ZNF791: variants seen among roughly 807,000 people sequenced by gnomAD.
ZNF791 encodes the protein zinc finger protein 791.
Under a neutral mutation model 11.5 loss-of-function variants are expected in ZNF791, and 4 were observed. That is an observed-to-expected ratio of 0.35 (90% confidence interval 0.17 to 0.80). The LOEUF (loss-of-function observed/expected upper bound fraction) is 0.80. ZNF791 is among the 30% of genes least tolerant of loss of function. The pLI is 0.53. For synonymous variants in ZNF791, 212 were observed against 228.1 expected, an observed-to-expected ratio of 0.93 and a Z score of 0.64; for missense variants, 559 against 699.4, an observed-to-expected ratio of 0.80 and a Z score of 2.26.
At chr19:12,614,928 G>C (rs368909708) in intron 1 of ZNF791, among the ~76,000 whole-genome samples, 1 of 7,324 alleles carries the variant, frequency 1.4e-4, no homozygotes, top group Non-Finnish European at 4.7e-4. Context: ...TTTTTTTTTT[G>C]ATACAGCGTC....
rs753917118 is a variant in ZNF791, at chr19:12,629,529, C to T, written c.*269C>T. The stretch of plus-strand genomic sequence containing the variant: ...TAGCAGTAGTAACACCATAGTGCAG[C>T]ACATTATTTAAGTGTTTATGGTGCT... On this transcript the variant is annotated 3_prime_UTR_variant, in exon 4 of 4. Coordinates refer to ENST00000343325, the MANE Select transcript of ZNF791 (RefSeq NM_153358.3). 28 of 260,238 alleles carry T rather than the reference C, an allele frequency of 1.1e-4. No homozygotes were observed. The highest frequency in any genetic ancestry group is 3.0e-4 in the Admixed American group (6 of 20,266). 16.1% of individuals were successfully genotyped at this position (260,238 alleles called of 1,614,324 possible).
intron 1 of ZNF791, among the ~76,000 whole-genome samples, chr19:12,616,423 C>T (rs538029675): frequency 1.4e-4 from 21 of 152,242 alleles, no homozygotes; most frequent in Admixed American, 7.2e-4. Flanking sequence ...TGGATCCTAT[C>T]TCAAAAAAAC....
At chr19:12,617,801 C>A (rs901703396) in intron 1 of ZNF791, among the ~76,000 whole-genome samples, 1 of 125,014 alleles carries the variant, frequency 8.0e-6, no homozygotes, top group African/African-American at 3.1e-5. Flanking sequence ...AGGGTATTAC[C>A]CTGTCACCAG....
At position 12,626,218 on chromosome 19, in the gene ZNF791, T is replaced by C. The variant is rs143598699; in HGVS notation, c.192-1503T>C. Among the ~76,000 whole-genome samples, 642 of 152,336 alleles carry C rather than the reference T, an allele frequency of 4.2e-3. 5 individuals are homozygous for C. Among genetic ancestry groups the C allele is most frequent in the African/African-American group, 0.015 (610 of 41,582 alleles). ...TTTTAGTAGAGATAGGGTTTCACTA[T>C]GTTGGCCAGGATGGTCACGATCTCC... On this transcript the variant is annotated intron_variant, in intron 3 of 3. Coordinates refer to ENST00000343325, the MANE Select transcript of ZNF791 (RefSeq NM_153358.3).
At chr19:12,623,981 G>A (rs550178119) in intron 2 of ZNF791, among the ~76,000 whole-genome samples, 155 bp downstream of exon 2, 7 of 149,128 alleles carry the variant, frequency 4.7e-5, no homozygotes, top group Admixed American at 2.0e-4. Flanking sequence ...TCAGCCTCCC[G>A]AGTAGCTGGG....
rs941941442 is a variant in ZNF791, at chr19:12,612,619, T to A, written c.3+1537T>A. On this transcript the variant is annotated intron_variant, in intron 1 of 3. Coordinates refer to ENST00000343325, the MANE Select transcript of ZNF791 (RefSeq NM_153358.3). ...ACCACGCCCAGCTAATTTTTGTATT[T>A]TTTTTTTTTTTTTTTAGTAGAGAGT... Among the ~76,000 whole-genome samples, 4 of 146,456 alleles carry A rather than the reference T, an allele frequency of 2.7e-5. No homozygotes were observed. The Admixed American group carries it at 2.7e-4, about 10-fold the overall frequency.
chr19:12,624,738 T>A, intron 3 of ZNF791, 28 bp downstream of exon 3: 1 of 1,571,210 alleles, frequency 6.4e-7, no homozygotes. Flanking sequence ...GAAGTAACAG[T>A]GTTCCTTGAA....
chr19:12,614,892 C>CTTTTTTTTTTTTTT lies in ZNF791; in HGVS notation c.3+3832_3+3845dup, dbSNP rs57575424. Among the ~76,000 whole-genome samples, 37 of 17,566 alleles carry CTTTTTTTTTTTTTT rather than the reference C, an allele frequency of 2.1e-3. 15 individuals carry two copies. Among genetic ancestry groups the CTTTTTTTTTTTTTT allele is most frequent in the Non-Finnish European group, 3.8e-3 (29 of 7,720 alleles). 11.5% of individuals were successfully genotyped at this position (17,566 alleles called of 152,430 possible). On this transcript the variant is annotated intron_variant, in intron 1 of 3. Coordinates refer to ENST00000343325, the MANE Select transcript of ZNF791 (RefSeq NM_153358.3). ...ACAGGTGTGAGCCACTGCGTCCGGC[C>CTTTTTTTTTTTTTT]TTTTTTTTTTTTTTTTTTTTTTTTT...
chr19:12,623,545 A>G, intron 1 of ZNF791, 155 bp from the exon 2 acceptor site: 1 of 884,610 alleles, frequency 1.1e-6, no homozygotes, highest in Non-Finnish European at 1.8e-6. Context: ...TGTAGCTATA[A>G]GTTTATGTGT....
chr19:12,624,699 A>G lies in ZNF791; in HGVS notation c.180A>G (p.Gly60=). The part of the protein sequence containing the change: ...PNVEDQHKNQ[G]RNLRSHTGER... Reference sequence around the variant, plus strand: ...TTGAAGATCAACACAAAAACCAAGGACGAAATCTAAGGTGAGTTGCACTCA... The same window carrying G: ...TTGAAGATCAACACAAAAACCAAGGGCGAAATCTAAGGTGAGTTGCACTCA... Residue 60 remains glycine, a synonymous_variant, in exon 3 of 4, where the codon GGA becomes GGG. Transcript: ENST00000343325. The G allele has an allele frequency of 1.2e-6, 2 of 1,607,612 alleles. No individual in the cohort carries two copies. Among genetic ancestry groups the G allele is most frequent in the Non-Finnish European group, 1.7e-6 (2 of 1,176,554 alleles).
chr19:12,628,839 A>G lies in ZNF791; in HGVS notation c.1310A>G (p.Asp437Gly). The change falls in exon 4 of 4, where the codon GAC becomes GGC. Residue 437 changes from aspartate (D) to glycine (G), a missense_variant. Physicochemically the swap from Asp to Gly is moderately conservative, Grantham distance 94. Coordinates refer to ENST00000343325, the MANE Select transcript of ZNF791 (RefSeq NM_153358.3). ...AGACACATGATCACCCACACTGGAGACGGACCTTATAAATGTAGGGACTGT... is the reference window on the plus strand; with the variant it reads ...AGACACATGATCACCCACACTGGAGGCGGACCTTATAAATGTAGGGACTGT... ...FRRHMITHTG[D>G]GPYKCRDCGK... is the part of the protein sequence containing the mutation. 6.2e-7 allele frequency: 1 copy of G among 1,614,046 alleles called. No homozygotes were observed. Among genetic ancestry groups the G allele is most frequent in the Non-Finnish European group, 8.5e-7 (1 of 1,180,026 alleles).
chr19:12,628,720 A>C lies in ZNF791; in HGVS notation c.1191A>C (p.Leu397=). The change falls in exon 4 of 4, where the codon CTA becomes CTC. Residue 397 remains leucine, a synonymous_variant. Transcript: ENST00000343325. ...GTGGGAAAACTTTCAATTATCCTCT[A>C]GATTTGAAAATCCACAAGAGAAATC... ...KKCGKTFNYP[L]DLKIHKRNHT... is the part of the protein sequence containing the mutation. 1 of 1,601,922 alleles carries C rather than the reference A, an allele frequency of 6.2e-7. No individual in the cohort carries two copies. The highest frequency in any genetic ancestry group is 8.5e-7 in the Non-Finnish European group (1 of 1,174,594).
intron 1 of ZNF791, among the ~76,000 whole-genome samples, chr19:12,614,835 T>C (rs899488454): frequency 2.8e-5 from 4 of 142,442 alleles, no homozygotes; most frequent in Non-Finnish European, 6.1e-5. Context: ...CTAGGTGATC[T>C]GCCCACCTTG....
At chr19:12,624,755 T>G (rs2023402262) in intron 3 of ZNF791, 45 bp downstream of exon 3, 1 of 1,502,996 alleles carries the variant, frequency 6.7e-7, no homozygotes. Flanking sequence ...TGAAAGAATC[T>G]TAAAAATGTT....
chr19:12,611,187 A>C, intron 1 of ZNF791, 105 bp downstream of exon 1: 1 of 1,477,276 alleles, frequency 6.8e-7, no homozygotes, highest in Non-Finnish European at 9.3e-7. Flanking sequence ...GGCAGCTGGA[A>C]CTCCAAGCGT....
intron 1 of ZNF791, among the ~76,000 whole-genome samples, chr19:12,617,171 G>A (rs1212539222): frequency 6.7e-6 from 1 of 148,778 alleles, no homozygotes; most frequent in South Asian, 2.1e-4. Flanking sequence ...TGTCACTCAG[G>A]CTGGAGTGCA....
intron 1 of ZNF791, among the ~76,000 whole-genome samples, chr19:12,611,537 C>T (rs930068256): frequency 6.6e-6 from 1 of 152,210 alleles, no homozygotes. Flanking sequence ...ACGCCTACTT[C>T]CGCTCGCCAG....
At chr19:12,621,311 T>A (rs2023338997) in intron 1 of ZNF791, among the ~76,000 whole-genome samples, 1 of 152,148 alleles carries the variant, frequency 6.6e-6, no homozygotes, top group African/African-American at 2.4e-5. Context: ...CTCATGGGTA[T>A]AACGATTTTG....
At chr19:12,619,489 T>G (rs371979832) in intron 1 of ZNF791, among the ~76,000 whole-genome samples, 82,078 of 140,156 alleles carry the variant, frequency 0.59, 25,941 homozygotes, top group Non-Finnish European at 0.72. Flanking sequence ...TCGATTTGTC[T>G]CCCAGGCTGG....
Sources: gnomAD v4.1 joint callset for allele counts (sites outside exome capture counted in the v4.1 genomes callset) on GRCh38, gnomAD v4.1.1 for gene constraint, MANE v1.5 for transcripts, NCBI Gene and HGNC (gene_info 2026-07-23, HGNC 2026-07-21) for gene names.